TAB2: variants seen among roughly 807,000 people sequenced by gnomAD.
TAB2 encodes TGF-beta activated kinase 1 (MAP3K7) binding protein 2, also known as TGF-beta-activated kinase 1 and MAP3K7-binding protein 2.
Under a neutral mutation model 65.0 loss-of-function variants are expected in TAB2, and 3 were observed. That is an observed-to-expected ratio of 0.05 (90% CI 0.02 to 0.12). The LOEUF is 0.12. Ranked by LOEUF, TAB2 falls within the 10% of genes least tolerant of loss-of-function variation. The pLI is 1.00. For missense variants in TAB2, 623 were observed against 840.3 expected, an observed-to-expected ratio of 0.74 and a Z score of 3.20; for synonymous variants, 298 against 285.1, an observed-to-expected ratio of 1.05 and a Z score of -0.46.
intron 1 of TAB2, among the ~76,000 whole-genome samples, chr6:149,275,240 GAAAGAAAGAAAGAAAGAA>G (rs1562396937): frequency 2.2e-4 from 18 of 81,860 alleles, no homozygotes; most frequent in African/African-American, 6.5e-4. Context: ...GAGAGAGAAA[GAAAGAAAGAAAGAAAGAA>G]AGAAAGAAAG....
chr6:149,248,905 G>A (rs888654049), intron 1 of TAB2, among the ~76,000 whole-genome samples: 11 of 151,996 alleles, frequency 7.2e-5, no homozygotes, highest in African/African-American at 2.7e-4. Flanking sequence ...TCCTGCCACA[G>A]TTCTGCCTCT....
chr6:149,341,095 A>G (rs914412195), intron 1 of TAB2, among the ~76,000 whole-genome samples: 2 of 152,112 alleles, frequency 1.3e-5, no homozygotes, highest in East Asian at 1.9e-4. Context: ...ATGTTTTTTT[A>G]AAAAGGATTA....
chr6:149,352,919 C>T (rs1032630183), intron 1 of TAB2, among the ~76,000 whole-genome samples: 6 of 152,082 alleles, frequency 3.9e-5, no homozygotes, highest in African/African-American at 9.7e-5. Context: ...AGGAAAGTTG[C>T]GTTTTTGTCC....
intron 1 of TAB2, among the ~76,000 whole-genome samples, chr6:149,290,376 C>T (rs956954398): frequency 6.6e-6 from 1 of 152,172 alleles, no homozygotes. Flanking sequence ...CCCTTCACCC[C>T]GCACATTCTC....
At chr6:149,408,824 C>T (rs9399686) in intron 6 of TAB2, among the ~76,000 whole-genome samples, 18,557 of 152,020 alleles carry the variant, frequency 0.12, 1,729 homozygotes, top group East Asian at 0.51. Context: ...ACATTGGTCT[C>T]TTAGAGTTCC....
At chr6:149,293,695 C>A (rs1008477152) in intron 1 of TAB2, among the ~76,000 whole-genome samples, 4 of 152,148 alleles carry the variant, frequency 2.6e-5, no homozygotes, top group African/African-American at 9.7e-5. Context: ...AAATGTCCCC[C>A]TAAATGTAAG....
rs1413284122 is a variant in TAB2, at chr6:149,378,433, G to A, written c.518G>A (p.Arg173Lys). The A allele has an allele frequency of 6.2e-7, 1 of 1,614,188 alleles. No individual in the cohort carries two copies. The highest frequency in any genetic ancestry group is 1.1e-5 in the South Asian group (1 of 91,068). Residue 173 changes from arginine (R) to lysine (K), a missense_variant, in exon 3 of 7, where the codon AGA (arginine) becomes AAA (lysine). Physicochemically the swap from Arg to Lys is conservative, Grantham distance 26. Transcript: ENST00000637181. The stretch of plus-strand genomic sequence containing the variant: ...TCTAGCCTTTCTCAACAAACTCCCA[G>A]ATTTAATCCCATTATGGTAACTTTA... ...GTSSLSQQTP[R>K]FNPIMVTLAP...
intron 1 of TAB2, among the ~76,000 whole-genome samples, chr6:149,242,371 C>A (rs1049770203): frequency 5.3e-5 from 8 of 152,018 alleles, no homozygotes; most frequent in African/African-American, 1.9e-4. Flanking sequence ...TAGAAAGTAA[C>A]CTTTAAGTAT....
Position 149,347,866 on chromosome 6 carries a change from TTAAA to T in TAB2, c.-89-22040_-89-22037del, listed in dbSNP as rs1780354629. On this transcript the variant is annotated intron_variant, in intron 1 of 6. Coordinates refer to ENST00000637181, the MANE Select transcript of TAB2 (RefSeq NM_001292034.3). ...AATATGTCAATAATGTAAAAGGTAT[TTAAA>T]TAGTGTATGTACTTAGGTAATATGA... 3.9e-5 allele frequency among the ~76,000 whole-genome samples: 6 copies of T among 152,300 alleles called. No individual in the cohort carries two copies. In the South Asian group the frequency reaches 1.0e-3, roughly 26 times the overall value.
intron 1 of TAB2, among the ~76,000 whole-genome samples, chr6:149,323,693 T>C (rs1206916883): frequency 6.6e-6 from 1 of 152,200 alleles, no homozygotes; most frequent in Admixed American, 6.5e-5. Flanking sequence ...TAATTTTAGC[T>C]TTCCCCAAAC....
chr6:149,226,758 T>C (rs1456411027), intron 1 of TAB2, among the ~76,000 whole-genome samples: 1 of 152,228 alleles, frequency 6.6e-6, no homozygotes. Flanking sequence ...AATATCAATG[T>C]ACTTTTATCC....
At chr6:149,224,902 A>G (rs1583031004) in intron 1 of TAB2, among the ~76,000 whole-genome samples, 1 of 152,224 alleles carries the variant, frequency 6.6e-6, no homozygotes, top group African/African-American at 2.4e-5. Context: ...TGCCAGTGTA[A>G]TTGATAGCAT....
chr6:149,224,723 T>C (rs1171100224), intron 1 of TAB2, among the ~76,000 whole-genome samples: 1 of 152,218 alleles, frequency 6.6e-6, no homozygotes, highest in Non-Finnish European at 1.5e-5. Context: ...AGTCCTAAAA[T>C]GGCATGTAAG....
At chr6:149,260,692 G>T (rs953782690) in intron 1 of TAB2, among the ~76,000 whole-genome samples, 1 of 152,186 alleles carries the variant, frequency 6.6e-6, no homozygotes. Context: ...GGGGCTGGAG[G>T]GTGGCGTGGT....
Position 149,326,405 on chromosome 6 carries a change from G to A in TAB2, c.-90+8390G>A, listed in dbSNP as rs1052979756. On this transcript the variant is annotated intron_variant, in intron 1 of 6. Coordinates refer to ENST00000637181, the MANE Select transcript of TAB2 (RefSeq NM_001292034.3). ...TAATAAATATGCTTTAATCTTACAC[G>A]TGTGCAGTTTTTATGCAATCTGTAA... Among the ~76,000 whole-genome samples, 34 of 152,140 alleles carry A rather than the reference G, an allele frequency of 2.2e-4. 1 individual carries two copies. In the Middle Eastern group the frequency reaches 0.024, roughly 107 times the overall value.
chr6:149,224,948 A>T lies in TAB2; in HGVS notation c.-121+6172A>T, dbSNP rs143463943. Among the ~76,000 whole-genome samples, 362 of 152,354 alleles carry T rather than the reference A, an allele frequency of 2.4e-3. 1 individual carries two copies. Among genetic ancestry groups the T allele is most frequent in the African/African-American group, 8.3e-3 (345 of 41,584 alleles). On this transcript the variant is annotated intron_variant, in intron 1 of 1. Transcript: ENST00000606202. ...TTAGCCATTTTTCAGTTCTATGTAT[A>T]TAAAGGATGTTGGAATTAATTGGTC...
Position 149,285,597 on chromosome 6 carries a change from C to G in TAB2, c.-121+66821C>G, listed in dbSNP as rs114879224. ...GAAACTTGTGTGATACTTACATACC[C>G]TCTTTGTCACATATGGCCATGTACT... On this transcript the variant is annotated intron_variant, in intron 1 of 1. Transcript: ENST00000606202. Among the ~76,000 whole-genome samples, 1,305 of 152,300 alleles carry G rather than the reference C, an allele frequency of 8.6e-3. 22 individuals are homozygous for G. The highest frequency in any genetic ancestry group is 0.03 in the African/African-American group (1,241 of 41,544).
intron 1 of TAB2, among the ~76,000 whole-genome samples, chr6:149,333,571 C>A (rs191882540): frequency 1.6e-4 from 25 of 152,264 alleles, no homozygotes; most frequent in Admixed American, 1.5e-3. Context: ...AGTTTCTCTT[C>A]AGTATTTTTA....
intron 1 of TAB2, among the ~76,000 whole-genome samples, chr6:149,347,412 T>C (rs1484717718): frequency 2.0e-5 from 3 of 152,226 alleles, no homozygotes; most frequent in Non-Finnish European, 4.4e-5. Flanking sequence ...AGTAAATTAT[T>C]GTAGGCTTAT....
Sources: gnomAD v4.1 joint callset for allele counts (sites outside exome capture counted in the v4.1 genomes callset) on GRCh38, gnomAD v4.1.1 for gene constraint, MANE v1.5 for transcripts, NCBI Gene and HGNC (gene_info 2026-07-23, HGNC 2026-07-21) for gene names.